Variants in CAPN11 observed in about 807,000 individuals in gnomAD.
CAPN11 encodes calpain 11, also known as calpain-11.
In CAPN11, 108 loss-of-function variants were observed where a neutral mutation model predicts 105.3. That is an observed-to-expected ratio of 1.03 (90% confidence interval 0.88 to 1.20). The LOEUF (loss-of-function observed/expected upper bound fraction) is 1.20. Ranked by LOEUF, CAPN11 falls within the 50% of genes most tolerant of loss-of-function variation. The probability of loss-of-function intolerance (pLI) is 0.00; values close to 1 mark genes in which losing one functional copy is unlikely to be tolerated. For synonymous variants in CAPN11, 329 were observed against 344.5 expected (o/e 0.96, Z 0.50); for missense variants, 883 against 924.8 (o/e 0.95, Z 0.59).
intron 8 of CAPN11, 38 bp from the exon 9 acceptor site, chr6:44,176,215 C>G: frequency 6.2e-7 from 1 of 1,607,500 alleles, no homozygotes; most frequent in South Asian, 1.1e-5. Context: ...TCTCCCTGAC[C>G]CCATAACTCT....
chr6:44,177,495 T>TCTTTCTTTC, intron 12 of CAPN11, 75 bp downstream of exon 12: 1 of 1,230,150 alleles, frequency 8.1e-7, no homozygotes, highest in Non-Finnish European at 1.1e-6. Context: ...TTTCTTTCTT[T>TCTTTCTTTC]TTTTTTTTTC....
chr6:44,180,187 C>T, intron 14 of CAPN11, 24 bp downstream of exon 14: 2 of 1,518,650 alleles, frequency 1.3e-6, no homozygotes, highest in Non-Finnish European at 1.8e-6. Context: ...GCTCACTGCT[C>T]CAAGGCCCGC....
At chr6:44,169,252 C>A (rs533151300) in intron 2 of CAPN11, 29 bp from the exon 3 acceptor site, 3 of 1,582,424 alleles carry the variant, frequency 1.9e-6, no homozygotes, top group African/African-American at 1.4e-5. Flanking sequence ...TTTTTACTTG[C>A]GTTATTTCTC....
At chr6:44,174,361 C>T (rs1224196332) in intron 7 of CAPN11, among the ~76,000 whole-genome samples, 1 of 151,962 alleles carries the variant, frequency 6.6e-6, no homozygotes, top group African/African-American at 2.4e-5. Context: ...GGACAGATCT[C>T]AGGGGAATTA....
At chr6:44,176,469 C>T (rs939027812) in intron 9 of CAPN11, 112 bp from the exon 10 acceptor site, 1 of 1,301,086 alleles carries the variant, frequency 7.7e-7, no homozygotes, top group Non-Finnish European at 1.1e-6. Flanking sequence ...GATTCTCCAT[C>T]TAGCTCCGCA....
intron 3 of CAPN11, 107 bp from the exon 4 acceptor site, chr6:44,169,799 T>A: frequency 1.1e-6 from 1 of 929,490 alleles, no homozygotes; most frequent in Non-Finnish European, 1.7e-6. Flanking sequence ...GCCCCTCATA[T>A]CTGTTCCCCT....
chr6:44,171,355 G>A (rs1770960825), intron 4 of CAPN11, among the ~76,000 whole-genome samples: 1 of 152,182 alleles, frequency 6.6e-6, no homozygotes, highest in South Asian at 2.1e-4. Context: ...CCACTTCAAT[G>A]CCTAGCTCCA....
chr6:44,161,924 GGT>G, intron 1 of CAPN11: 1 of 455,628 alleles, frequency 2.2e-6, no homozygotes. Context: ...GCTCAACCCA[GGT>G]TTGTCAACCC....
Position 44,180,086 on chromosome 6 carries a change from T to C in CAPN11, c.1563T>C (p.Ile521=). The C allele has an allele frequency of 6.2e-7, 1 of 1,613,404 alleles. No individual in the cohort carries two copies. The highest frequency in any genetic ancestry group is 1.3e-5 in the African/African-American group (1 of 74,920). The part of the protein sequence containing the change: ...QLRLPPGEYI[I]IPSTFEPHRD... ...GGCTGCCTCCGGGGGAATATATCAT[T>C]ATTCCCTCCACCTTTGAGCCACACA... is the stretch of plus-strand genomic sequence containing the variant. The change falls in exon 14 of 23, where the codon ATT becomes ATC. Residue 521 remains isoleucine, a synonymous_variant. Transcript: ENST00000398776.
In CAPN11 at chr6:44,172,829, A is replaced by G. The variant is rs375753243; in HGVS notation, c.529-111A>G. 378 of 1,244,026 alleles carry G rather than the reference A, an allele frequency of 3.0e-4. 5 individuals are homozygous for G. In the South Asian group the frequency reaches 5.3e-3, roughly 18 times the overall value. 77.1% of individuals were successfully genotyped at this position (1,244,026 alleles called of 1,614,324 possible). A position where few individuals can be genotyped will look rare whatever the true frequency, so the allele number is the denominator to read the frequency against. The stretch of plus-strand genomic sequence containing the variant: ...TTGGGTTGCCTTTCCCTCTCTATTC[A>G]GTGATTCTGGAGAGTGGAGCCTCTG... On this transcript the variant is annotated intron_variant, in intron 5 of 22. Transcript: ENST00000398776.
chr6:44,170,492 T>G (rs1198284056), intron 4 of CAPN11, among the ~76,000 whole-genome samples: 1 of 152,150 alleles, frequency 6.6e-6, no homozygotes, highest in Non-Finnish European at 1.5e-5. Flanking sequence ...CCTCACCACA[T>G]AGGCTTCTCC....
chr6:44,174,995 G>GA (rs1771716159), intron 7 of CAPN11, among the ~76,000 whole-genome samples: 2 of 152,282 alleles, frequency 1.3e-5, no homozygotes, highest in South Asian at 4.1e-4. Context: ...TAGGGAGGTG[G>GA]AGTCATGAGA....
At chr6:44,166,010 G>A (rs1305083138) in intron 1 of CAPN11, among the ~76,000 whole-genome samples, 3 of 152,086 alleles carry the variant, frequency 2.0e-5, no homozygotes, top group African/African-American at 7.2e-5. Flanking sequence ...GGTCCTAGGA[G>A]GGGATGCCCT....
rs971810606 is a variant in CAPN11 at position 44,183,977 on chromosome 6, C to T, written c.*45C>T. On this transcript the variant is annotated 3_prime_UTR_variant, in exon 23 of 23. Coordinates refer to ENST00000398776, the MANE Select transcript of CAPN11 (RefSeq NM_007058.4). ...TCATCTCTACCAGCAGCAGCAGCAG[C>T]GAGGTTCTAGCCCAGGAGGGTGGGG... is the stretch of plus-strand genomic sequence containing the variant. The T allele has an allele frequency of 1.0e-5, 16 of 1,549,266 alleles. No homozygotes were observed. The highest frequency in any genetic ancestry group is 3.9e-5 in the Admixed American group (2 of 51,018).
At chr6:44,170,708 T>C (rs189750134) in intron 4 of CAPN11, among the ~76,000 whole-genome samples, 15 of 152,236 alleles carry the variant, frequency 9.9e-5, no homozygotes, top group African/African-American at 2.9e-4. Context: ...GCTCTACCTT[T>C]GGAAGGGAGG....
chr6:44,163,720 A>T (rs1769320185), intron 1 of CAPN11, among the ~76,000 whole-genome samples: 1 of 152,228 alleles, frequency 6.6e-6, no homozygotes, highest in Non-Finnish European at 1.5e-5. Flanking sequence ...TAGAAATGCT[A>T]TATAAGTGCT....
chr6:44,173,567 T>C (rs769204141), intron 7 of CAPN11, among the ~76,000 whole-genome samples, 181 bp downstream of exon 7: 2 of 67,184 alleles, frequency 3.0e-5, no homozygotes, highest in African/African-American at 6.3e-5. Flanking sequence ...TTACTTTCTT[T>C]TTGTTTTTTT....
At chr6:44,182,602 CT>C (rs540484830) in intron 19 of CAPN11, among the ~76,000 whole-genome samples, 42 of 151,960 alleles carry the variant, frequency 2.8e-4, no homozygotes, top group Middle Eastern at 3.4e-3. Context: ...ATTTCTTTTT[CT>C]TTTTTTTGAG....
chr6:44,159,781 C>T (rs534195535), intron 1 of CAPN11, among the ~76,000 whole-genome samples: 15 of 151,654 alleles, frequency 9.9e-5, no homozygotes, highest in South Asian at 6.2e-4. Flanking sequence ...TTCCCAGTGC[C>T]GGAAATCAAA....
Sources: gnomAD v4.1 joint callset for allele counts (sites outside exome capture counted in the v4.1 genomes callset) on GRCh38, gnomAD v4.1.1 for gene constraint, MANE v1.5 for transcripts, NCBI Gene and HGNC (gene_info 2026-07-23, HGNC 2026-07-21) for gene names.